Variants in IL18RAP observed in about 807,000 individuals in gnomAD.
IL18RAP encodes interleukin 18 receptor accessory protein, also known as interleukin-18 receptor accessory protein.
In IL18RAP, 37 loss-of-function variants were observed where a neutral mutation model predicts 58.1. The observed-to-expected ratio is 0.64, with a 90% confidence interval of 0.49 to 0.84. IL18RAP has a LOEUF of 0.84. IL18RAP is among the 40% of genes least tolerant of loss of function. IL18RAP has a pLI of 0.00. For synonymous variants in IL18RAP, 268 were observed against 257.5 expected (o/e 1.04, Z -0.39); for missense variants, 667 against 704.8 (o/e 0.95, Z 0.61).
chr2:102,427,237 A>T (rs945117495), intron 3 of IL18RAP, among the ~76,000 whole-genome samples: 1 of 152,156 alleles, frequency 6.6e-6, no homozygotes. Flanking sequence ...ACCCTTTGCC[A>T]TACTGATTTC....
In IL18RAP at chr2:102,424,405, CT is replaced by C; in HGVS notation, c.571del (p.Trp191GlyfsTer17). 1 of 1,613,692 alleles carries C rather than the reference CT, an allele frequency of 6.2e-7. No homozygotes were observed. The highest frequency in any genetic ancestry group is 8.5e-7 in the Non-Finnish European group (1 of 1,179,746). ...GTGATGCACAAAGTCCAGCGGTAAC[CT>C]GGTACAAGGTAAGAGTGAATTCTCT... ...QSDAQSPAVT[W>X]YKNGKLLSVE... On this transcript the variant is annotated frameshift_variant, in exon 3 of 10. Transcript: ENST00000687160. LOFTEE classifies it high-confidence loss of function.
intron 5 of IL18RAP, 120 bp from the exon 6 acceptor site, chr2:102,443,080 A>G: frequency 1.1e-6 from 1 of 911,738 alleles, no homozygotes; most frequent in Admixed American, 2.5e-5. Context: ...TGGCACACAT[A>G]TTCTACCTGC....
In IL18RAP at chr2:102,451,958, T is replaced by C. The variant is rs750931231; in HGVS notation, c.1577T>C (p.Leu526Pro). 6.2e-7 allele frequency: 1 copy of C among 1,614,180 alleles called. No homozygotes were observed. Among genetic ancestry groups the C allele is most frequent in the Non-Finnish European group, 8.5e-7 (1 of 1,180,030 alleles). The stretch of plus-strand genomic sequence containing the variant: ...CAAGAGCCAGAGTCTCTACCTCATC[T>C]CGTGAAAAAAGCTCTCAGGGTTTTG... ...YFQEPESLPHLVKKALRVLPT... is the reference protein window; with the variant it reads ...YFQEPESLPHPVKKALRVLPT... The change falls in exon 10 of 10, where the codon CTC becomes CCC. Residue 526 changes from leucine (L) to proline (P), a missense_variant. Transcript: ENST00000687160.
At chr2:102,431,349 CT>C (rs1157115806) in intron 3 of IL18RAP, among the ~76,000 whole-genome samples, 1 of 152,142 alleles carries the variant, frequency 6.6e-6, no homozygotes, top group African/African-American at 2.4e-5. Context: ...TTTCAATATT[CT>C]TTCTTTGTCT....
In IL18RAP at chr2:102,447,133, C is replaced by T. The variant is rs369326574; in HGVS notation, c.1136C>T (p.Ala379Val). The T allele has an allele frequency of 7.4e-6, 12 of 1,613,988 alleles. No individual in the cohort carries two copies. The highest frequency in any genetic ancestry group is 4.0e-5 in the African/African-American group (3 of 74,904). The change falls in exon 8 of 10, where the codon GCC (alanine) becomes GTC (valine). Residue 379 changes from alanine (A) to valine (V), a missense_variant. By Grantham distance (64) the Ala-to-Val change is moderately conservative (BLOSUM62 0). Transcript: ENST00000687160. ...CTGGTGGCCGTGCTGGCGGCGAGTG[C>T]CCTCCTCTACAGGCACTGGATTGAA... Reference protein sequence around the residue: ...GTLVAVLAASALLYRHWIEIV... With the variant: ...GTLVAVLAASVLLYRHWIEIV...
chr2:102,423,241 G>T lies in IL18RAP; in HGVS notation c.-37G>T. The stretch of plus-strand genomic sequence containing the variant: ...AAACACTCTACTCTGGCAAAGGAAT[G>T]AAGTTATTGGAGTGATGACAGGAAC... On this transcript the variant is annotated 5_prime_UTR_variant, in exon 1 of 10. It removes an upstream start codon present in the reference 5' UTR. Transcript: ENST00000687160. The T allele has an allele frequency of 2.5e-6, 4 of 1,591,518 alleles. No individual in the cohort carries two copies. The South Asian group carries it at 4.4e-5, about 18-fold the overall frequency.
Position 102,451,076 on chromosome 2 carries a change from T to C in IL18RAP, c.1384+55T>C, listed in dbSNP as rs1683735737. On this transcript the variant is annotated intron_variant, in intron 9 of 9. Coordinates refer to ENST00000687160, the MANE Select transcript of IL18RAP (RefSeq NM_001393487.1). ...GTGCAAAAAGGGCAGTTCAATGCAA[T>C]CCCCAAGTCTTTTTTGTCATTCTTT... The C allele has an allele frequency of 9.4e-6, 13 of 1,382,876 alleles. No homozygotes were observed. The East Asian group carries it at 2.2e-4, about 23-fold the overall frequency. 85.7% of individuals were successfully genotyped at this position (1,382,876 alleles called of 1,614,324 possible).
At chr2:102,431,742 C>T (rs559301023) in intron 3 of IL18RAP, among the ~76,000 whole-genome samples, 1 of 151,940 alleles carries the variant, frequency 6.6e-6, no homozygotes, top group East Asian at 1.9e-4. Context: ...TTTCAAATAC[C>T]CACACTTCAG....
At position 102,445,314 on chromosome 2, in the gene IL18RAP, C is replaced by A; in HGVS notation, c.1046C>A (p.Ser349Tyr). The A allele has an allele frequency of 6.2e-7, 1 of 1,614,170 alleles. No individual in the cohort carries two copies. Among genetic ancestry groups the A allele is most frequent in the Non-Finnish European group, 8.5e-7 (1 of 1,180,010 alleles). ...VQNSIGNTTQSVQLKEKRGVV... is the reference protein window; with the variant it reads ...VQNSIGNTTQYVQLKEKRGVV... ...AACTCCATTGGAAACACAACCCAGT[C>A]CGTCCAACTGAAAGAAAAGAGAGGA... Residue 349 changes from serine to tyrosine, a missense_variant, in exon 7 of 10, where the codon TCC (serine) becomes TAC (tyrosine). Physicochemically the swap from Ser to Tyr is moderately radical, Grantham distance 144. Coordinates refer to ENST00000687160, the MANE Select transcript of IL18RAP (RefSeq NM_001393487.1).
At chr2:102,444,587 C>T (rs1273739470) in intron 6 of IL18RAP, among the ~76,000 whole-genome samples, 1 of 152,224 alleles carries the variant, frequency 6.6e-6, no homozygotes, top group Non-Finnish European at 1.5e-5. Context: ...GATTTCTTAA[C>T]ACAAAGATGG....
chr2:102,446,808 A>AG (rs1277996170), intron 7 of IL18RAP, among the ~76,000 whole-genome samples: 1 of 151,908 alleles, frequency 6.6e-6, no homozygotes, highest in Non-Finnish European at 1.5e-5. Flanking sequence ...AAAAAAAAAA[A>AG]AAAAGTATAA....
chr2:102,440,586 T>A (rs116640666), intron 4 of IL18RAP: 1 of 151,936 alleles, frequency 6.6e-6, no homozygotes, highest in African/African-American at 2.4e-5. Flanking sequence ...ATGATGAGAC[T>A]GAGCATGAAT....
chr2:102,421,643 C>T (rs1482431226), upstream of IL18RAP, among the ~76,000 whole-genome samples: 1 of 151,996 alleles, frequency 6.6e-6, no homozygotes, highest in East Asian at 1.9e-4. Flanking sequence ...ATGCAGTGAC[C>T]TTAACACCTA....
chr2:102,428,285 A>G (rs1252418254), intron 3 of IL18RAP, among the ~76,000 whole-genome samples: 2 of 126,782 alleles, frequency 1.6e-5, no homozygotes, highest in Non-Finnish European at 3.5e-5. Flanking sequence ...GATCACTTTG[A>G]GTAGTAAGGA....
rs748200244 is a variant in IL18RAP, at chr2:102,451,979, T to C, written c.1598T>C (p.Val533Ala). Residue 533 changes from valine (V) to alanine (A), a missense_variant, in exon 10 of 10, where the codon GTT becomes GCT. By Grantham distance (64) the Val-to-Ala change is moderately conservative. Transcript: ENST00000687160. ...CATCTCGTGAAAAAAGCTCTCAGGG[T>C]TTTGCCCACAGTTACTTGGAGAGGC... Reference protein sequence around the residue: ...LPHLVKKALRVLPTVTWRGLK... With the variant: ...LPHLVKKALRALPTVTWRGLK... 9 of 1,613,794 alleles carry C rather than the reference T, an allele frequency of 5.6e-6. No homozygotes were observed. Among genetic ancestry groups the C allele is most frequent in the Admixed American group, 5.0e-5 (3 of 59,980 alleles).
intron 3 of IL18RAP, among the ~76,000 whole-genome samples, chr2:102,432,698 C>T (rs558990839): frequency 1.9e-4 from 29 of 152,302 alleles, no homozygotes; most frequent in Admixed American, 1.7e-3. Flanking sequence ...GCTCCTTCTG[C>T]AGATAACTGC....
upstream of IL18RAP, among the ~76,000 whole-genome samples, chr2:102,420,557 G>T (rs1681512182): frequency 6.6e-6 from 1 of 152,178 alleles, no homozygotes; most frequent in Admixed American, 6.5e-5. Context: ...CTGAGTGCTG[G>T]AGACTGCTGG....
chr2:102,423,741 A>T, intron 1 of IL18RAP, 70 bp from the exon 2 acceptor site: 1 of 1,038,252 alleles, frequency 9.6e-7, no homozygotes, highest in Non-Finnish European at 1.4e-6. Flanking sequence ...ATCAAGTACT[A>T]GATGTAAATA....
upstream of IL18RAP, among the ~76,000 whole-genome samples, chr2:102,421,313 C>T (rs886086832): frequency 5.3e-5 from 8 of 152,132 alleles, no homozygotes; most frequent in African/African-American, 1.4e-4. Flanking sequence ...GGTCAGGGAA[C>T]GACTCTCTGA....
Sources: allele counts gnomAD v4.1 joint callset (sites outside exome capture counted in the v4.1 genomes callset), GRCh38; gene constraint gnomAD v4.1.1; transcripts MANE v1.5; gene names NCBI Gene and HGNC (gene_info 2026-07-23, HGNC 2026-07-21).